GCA: variants seen among roughly 807,000 people sequenced by gnomAD.
The protein encoded by GCA is grancalcin.
In GCA, 30 loss-of-function variants were observed where a neutral mutation model predicts 32.6. The observed-to-expected ratio is 0.92, with a 90% CI of 0.69 to 1.25. GCA has a LOEUF of 1.25. GCA is among the 50% of genes most tolerant of loss of function. The pLI, the probability that GCA is intolerant of heterozygous loss-of-function variation, is 0.00. For synonymous variants in GCA, 102 were observed against 84.6 expected (o/e 1.21, Z -1.13); for missense variants, 291 against 266.8 (o/e 1.09, Z -0.63).
At chr2:162,338,963 C>T (rs1684358816) in intron 1 of GCA, among the ~76,000 whole-genome samples, 1 of 152,134 alleles carries the variant, frequency 6.6e-6, no homozygotes, top group Non-Finnish European at 1.5e-5. Flanking sequence ...CTAAAATGCA[C>T]TATTATTAAA....
At position 162,361,836 on chromosome 2, in the gene GCA, A is replaced by G. The variant is rs547170019; in HGVS notation, c.*1593A>G. 7.5e-5 allele frequency: 74 copies of G among 982,932 alleles called. No individual in the cohort carries two copies. Among genetic ancestry groups the G allele is most frequent in the Non-Finnish European group, 8.7e-5 (72 of 827,920 alleles). The allele number at this position is 982,932 out of a possible 1,614,324, so 60.9% of individuals were successfully genotyped here. ...TGTAGGAAAAAGCAAATGTGAAAAC[A>G]CTAAGTGTCGTTCACATCGAATGGT... On this transcript the variant is annotated 3_prime_UTR_variant, in exon 8 of 8. Transcript: ENST00000437150.
intron 3 of GCA, 101 bp from the exon 4 acceptor site, chr2:162,356,337 T>C: frequency 2.8e-6 from 2 of 726,402 alleles, no homozygotes; most frequent in South Asian, 3.3e-5. Flanking sequence ...TTATATATTT[T>C]GGCAGTTTTT....
intron 5 of GCA, 57 bp downstream of exon 5, chr2:162,356,962 A>G: frequency 1.7e-6 from 2 of 1,199,084 alleles, no homozygotes; most frequent in Admixed American, 2.1e-5. Context: ...CTTTGATTAG[A>G]TGAACTTAAT....
chr2:162,347,468 T>G, intron 1 of GCA, 110 bp from the exon 2 acceptor site: 2 of 595,094 alleles, frequency 3.4e-6, no homozygotes, highest in Non-Finnish European at 5.5e-6. Context: ...TTATAAGCTT[T>G]TGGTAACTGT....
intron 2 of GCA, among the ~76,000 whole-genome samples, chr2:162,348,049 C>CT (rs1363645004): frequency 1.3e-5 from 2 of 152,122 alleles, no homozygotes; most frequent in African/African-American, 2.4e-5. Context: ...AGGGGCTCCT[C>CT]TTACTAGTCA....
rs1470042933 is a variant in GCA at position 162,362,496 on chromosome 2, C to T, written c.*2253C>T. ...TAGTATAGTAGTTTGCACTGGTTAA[C>T]TTACACCCCAGTTCTTTTACGATGA... On this transcript the variant is annotated 3_prime_UTR_variant, in exon 8 of 8. Transcript: ENST00000437150. 1.0e-6 allele frequency: 1 copy of T among 969,348 alleles called. No homozygotes were observed. The highest frequency in any genetic ancestry group is 6.2e-5 in the Admixed American group (1 of 16,078). The allele number at this position is 969,348 out of a possible 1,614,324, so 60.0% of individuals were successfully genotyped here.
chr2:162,328,729 C>T (rs1683976830), intron 1 of GCA, among the ~76,000 whole-genome samples: 2 of 152,218 alleles, frequency 1.3e-5, no homozygotes, highest in African/African-American at 4.8e-5. Context: ...ATTAAACCCT[C>T]TACCTTGTTG....
intron 2 of GCA, among the ~76,000 whole-genome samples, chr2:162,350,611 T>C (rs976530324): frequency 2.0e-5 from 3 of 152,208 alleles, no homozygotes. Context: ...CATATAAAAT[T>C]ACAACTTAAA....
rs775456001 is a variant in GCA, at chr2:162,344,138, C to T, written c.-111C>T. 1 of 1,149,106 alleles carries T rather than the reference C, an allele frequency of 8.7e-7. No individual in the cohort carries two copies. The highest frequency in any genetic ancestry group is 1.3e-6 in the Non-Finnish European group (1 of 771,090). 71.2% of individuals were successfully genotyped at this position (1,149,106 alleles called of 1,614,324 possible). A position where few individuals can be genotyped will look rare whatever the true frequency, so the allele number is the denominator to read the frequency against. ...AGGAGTGAACTGTGCGGTTAGTGCG[C>T]CTTTCAGCCTCACCTGCAGCTGCGC... On this transcript the variant is annotated 5_prime_UTR_variant, in exon 1 of 8. Coordinates refer to ENST00000437150, the MANE Select transcript of GCA (RefSeq NM_012198.5).
chr2:162,353,481 G>T (rs529011807), intron 3 of GCA, among the ~76,000 whole-genome samples: 16 of 152,120 alleles, frequency 1.1e-4, no homozygotes, highest in South Asian at 2.1e-4. Flanking sequence ...ACAAACAAAA[G>T]AATATATGGG....
chr2:162,346,946 G>T (rs1010418710), intron 1 of GCA, among the ~76,000 whole-genome samples: 5 of 152,256 alleles, frequency 3.3e-5, no homozygotes, highest in African/African-American at 1.2e-4. Context: ...AGGCTGAAAA[G>T]AAACAAGTGG....
At chr2:162,365,429 A>G (rs1252424189), downstream of GCA, among the ~76,000 whole-genome samples, 2 of 151,632 alleles carry the variant, frequency 1.3e-5, no homozygotes, top group Non-Finnish European at 3.0e-5. Context: ...TGAAGAAAAT[A>G]TTTACTAAAA....
At chr2:162,370,269 T>G (rs1685885844) in intron 4 of GCA, among the ~76,000 whole-genome samples, 1 of 152,162 alleles carries the variant, frequency 6.6e-6, no homozygotes, top group Non-Finnish European at 1.5e-5. Context: ...ATGTTCTTAA[T>G]GGACTAACAA....
chr2:162,324,925 G>A (rs768135657), intron 1 of GCA, among the ~76,000 whole-genome samples: 3 of 152,142 alleles, frequency 2.0e-5, no homozygotes, highest in Admixed American at 6.5e-5. Flanking sequence ...AAGGGTTCCT[G>A]GCAAAGGAGA....
chr2:162,359,513 C>A lies in GCA; in HGVS notation c.588C>A (p.Asp196Glu), dbSNP rs1185253678. The change falls in exon 7 of 8, where the codon GAC becomes GAA. Residue 196 changes from aspartate to glutamate, a missense_variant. Asp to Glu is a conservative substitution (Grantham distance 45, BLOSUM62 2). Coordinates refer to ENST00000437150, the MANE Select transcript of GCA (RefSeq NM_012198.5). ...TTAAAGATTTCTTTAGGAAAAGAGA[C>A]CACTTGCAACAAGGGTCTGCGAATT... Reference protein sequence around the residue: ...RALTDFFRKRDHLQQGSANFI... With the variant: ...RALTDFFRKREHLQQGSANFI... 4 of 1,530,804 alleles carry A rather than the reference C, an allele frequency of 2.6e-6. No homozygotes were observed. Among genetic ancestry groups the A allele is most frequent in the African/African-American group, 2.8e-5 (2 of 72,596 alleles). 94.8% of individuals were successfully genotyped at this position (1,530,804 alleles called of 1,614,324 possible).
At chr2:162,343,302 A>G (rs1053738451), upstream of GCA, among the ~76,000 whole-genome samples, 1 of 152,226 alleles carries the variant, frequency 6.6e-6, no homozygotes, top group Non-Finnish European at 1.5e-5. Flanking sequence ...AGTTCCAGAG[A>G]TAAATCAGAC....
chr2:162,359,937 A>G (rs574673059), intron 7 of GCA, among the ~76,000 whole-genome samples: 1 of 151,326 alleles, frequency 6.6e-6, no homozygotes, highest in Admixed American at 6.6e-5. Flanking sequence ...TCTCATTTCA[A>G]ATGGTTACTA....
chr2:162,344,146 C>T lies in GCA; in HGVS notation c.-103C>T, dbSNP rs1684547754. ...ACTGTGCGGTTAGTGCGCCTTTCAG[C>T]CTCACCTGCAGCTGCGCCTCCTTGC... On this transcript the variant is annotated 5_prime_UTR_variant, in exon 1 of 8. Transcript: ENST00000437150. The T allele has an allele frequency of 1.6e-6, 2 of 1,260,868 alleles. No individual in the cohort carries two copies. Among genetic ancestry groups the T allele is most frequent in the African/African-American group, 1.5e-5 (1 of 68,084 alleles). 78.1% of individuals were successfully genotyped at this position (1,260,868 alleles called of 1,614,324 possible).
At chr2:162,347,465 C>T (rs1254391446) in intron 1 of GCA, 113 bp from the exon 2 acceptor site, 1 of 578,774 alleles carries the variant, frequency 1.7e-6, no homozygotes, top group Non-Finnish European at 2.8e-6. Context: ...AGATTATAAG[C>T]TTTTGGTAAC....
Sources: allele counts gnomAD v4.1 joint callset (sites outside exome capture counted in the v4.1 genomes callset), GRCh38; gene constraint gnomAD v4.1.1; transcripts MANE v1.5; gene names NCBI Gene and HGNC (gene_info 2026-07-23, HGNC 2026-07-21).